Variants in RDX observed in about 807,000 individuals in gnomAD.
RDX encodes the protein deafness, autosomal recessive 24.
A neutral mutation model predicts 83.7 loss-of-function variants in RDX; 32 were observed. The ratio of observed to expected loss-of-function variants is 0.38; its 90% CI spans 0.29 to 0.51. The LOEUF is 0.51. Ranked by LOEUF, RDX falls within the 20% of genes least tolerant of loss-of-function variation. RDX has a pLI of 0.87. For missense variants in RDX, 600 were observed against 689.9 expected (o/e 0.87, Z 1.46); for synonymous variants, 229 against 222.7 (o/e 1.03, Z -0.25).
chr11:110,236,446 A>T, intron 11 of RDX: 1 of 384,438 alleles, frequency 2.6e-6, no homozygotes, highest in South Asian at 3.9e-5. Context: ...CAGGAACTTA[A>T]AATGTGTAAC....
At chr11:110,237,717 C>T in intron 10 of RDX, 65 bp from the exon 11 acceptor site, 1 of 1,540,366 alleles carries the variant, frequency 6.5e-7, no homozygotes, top group East Asian at 2.2e-5. Flanking sequence ...TCAAAAGAAG[C>T]TAAAATAGTA....
rs142504999 is a variant in RDX, at chr11:110,237,519, G to C, written c.1224C>G (p.Ala408=). Residue 408 remains alanine (A), a synonymous_variant, in exon 11 of 14, where the codon GCC becomes GCG. Transcript: ENST00000645495. Reference sequence around the variant, plus strand: ...GCTGCTCCTGATTCTTCATCTGGTCGGCAGCTTGTTTTGCTATGGCAGACT... The same window carrying C: ...GCTGCTCCTGATTCTTCATCTGGTCCGCAGCTTGTTTTGCTATGGCAGACT... The part of the protein sequence containing the change: ...EAKSAIAKQA[A]DQMKNQEQLA... 3 of 1,612,468 alleles carry C rather than the reference G, an allele frequency of 1.9e-6. No individual in the cohort carries two copies. Among genetic ancestry groups the C allele is most frequent in the Non-Finnish European group, 2.5e-6 (3 of 1,179,974 alleles).
At chr11:110,268,312 GA>G (rs201275055) in intron 3 of RDX, among the ~76,000 whole-genome samples, 176 of 136,584 alleles carry the variant, frequency 1.3e-3, no homozygotes, top group Non-Finnish European at 1.7e-3. Context: ...CTGTTTCGGG[GA>G]AAAAAAAAAA....
intron 15 of RDX, among the ~76,000 whole-genome samples, chr11:110,194,395 T>C (rs181443712): frequency 1.3e-5 from 2 of 152,178 alleles, no homozygotes; most frequent in Admixed American, 6.5e-5. Context: ...AATTTATGTA[T>C]TTTTAGTAGA....
At chr11:110,228,840 T>C (rs1357542788), downstream of RDX, among the ~76,000 whole-genome samples, 3 of 151,864 alleles carry the variant, frequency 2.0e-5, no homozygotes, top group Non-Finnish European at 2.9e-5. Context: ...TATTTAAAAT[T>C]CCATTTTCTG....
At chr11:110,232,918 A>T (rs550314171) in intron 13 of RDX, among the ~76,000 whole-genome samples, 106 of 152,184 alleles carry the variant, frequency 7.0e-4, no homozygotes, top group Non-Finnish European at 1.4e-3. Context: ...CCTGGCCCTC[A>T]ATGTACATAT....
chr11:110,283,176 T>TG (rs1460422823), intron 1 of RDX, among the ~76,000 whole-genome samples: 9 of 152,146 alleles, frequency 5.9e-5, no homozygotes, highest in Non-Finnish European at 1.3e-4. Context: ...TTTTTGGAGA[T>TG]GGAGTCTCGC....
chr11:110,215,307 G>A (rs1864001326), intron 14 of RDX, among the ~76,000 whole-genome samples: 1 of 150,282 alleles, frequency 6.7e-6, no homozygotes, highest in South Asian at 2.1e-4. Context: ...AGGTTGCAGT[G>A]AGCTGAGATC....
chr11:110,251,766 A>C (rs1366472190), intron 9 of RDX, among the ~76,000 whole-genome samples: 1 of 152,202 alleles, frequency 6.6e-6, no homozygotes, highest in Non-Finnish European at 1.5e-5. Context: ...AGCTTCAAAA[A>C]CTACATGGAA....
chr11:110,275,782 C>CTTTT (rs36018441), intron 2 of RDX, among the ~76,000 whole-genome samples: 23 of 117,286 alleles, frequency 2.0e-4, no homozygotes, highest in African/African-American at 4.8e-4. Context: ...TTTTACCATC[C>CTTTT]TTTTTTTTTT....
intron 10 of RDX, among the ~76,000 whole-genome samples, chr11:110,239,277 T>C (rs998621589): frequency 1.1e-4 from 16 of 149,822 alleles, no homozygotes; most frequent in Non-Finnish European, 1.5e-4. Context: ...AGAAGGACAT[T>C]GGTCTAGGCA....
intron 10 of RDX, among the ~76,000 whole-genome samples, chr11:110,240,244 G>C (rs1865029195): frequency 6.6e-6 from 1 of 152,152 alleles, no homozygotes; most frequent in African/African-American, 2.4e-5. Context: ...CAGCAATATG[G>C]ATGGAACTGG....
At chr11:110,261,760 T>A (rs1460797697) in intron 5 of RDX, among the ~76,000 whole-genome samples, 1 of 152,228 alleles carries the variant, frequency 6.6e-6, no homozygotes, top group Non-Finnish European at 1.5e-5. Context: ...AAATAGGCAT[T>A]TGCACTAGCA....
intron 10 of RDX, among the ~76,000 whole-genome samples, chr11:110,246,978 G>A (rs1859134869): frequency 6.6e-6 from 1 of 152,118 alleles, no homozygotes; most frequent in African/African-American, 2.4e-5. Flanking sequence ...TGTTACCCCT[G>A]AGAGCCTGCT....
intron 7 of RDX, among the ~76,000 whole-genome samples, chr11:110,255,894 A>G (rs1340878874): frequency 6.6e-6 from 1 of 152,206 alleles, no homozygotes; most frequent in Non-Finnish European, 1.5e-5. Flanking sequence ...CTTAATTTTC[A>G]GTATATTTTG....
chr11:110,295,654 A>AAAAAC (rs1861422467), intron 1 of RDX, among the ~76,000 whole-genome samples: 1 of 139,770 alleles, frequency 7.2e-6, no homozygotes, highest in African/African-American at 3.0e-5. Flanking sequence ...AAAAAAAAAA[A>AAAAAC]AAACAAAAAT....
intron 5 of RDX, among the ~76,000 whole-genome samples, chr11:110,259,089 T>C (rs1301796455): frequency 6.6e-6 from 1 of 152,010 alleles, no homozygotes; most frequent in African/African-American, 2.4e-5. Flanking sequence ...GGCTAATTTT[T>C]CTTTTTTGTG....
chr11:110,183,873 C>G (rs977126493), intron 15 of RDX, among the ~76,000 whole-genome samples: 1 of 152,188 alleles, frequency 6.6e-6, no homozygotes, highest in African/African-American at 2.4e-5. Context: ...GAAATGGCAC[C>G]CTGGACTACA....
intron 7 of RDX, 44 bp from the exon 8 acceptor site, chr11:110,255,429 T>A: frequency 9.7e-7 from 1 of 1,032,054 alleles, no homozygotes; most frequent in Non-Finnish European, 1.5e-6. Flanking sequence ...CAGGAAACAA[T>A]GAATAAAATT....
Sources: allele counts gnomAD v4.1 joint callset (sites outside exome capture counted in the v4.1 genomes callset), GRCh38; gene constraint gnomAD v4.1.1; transcripts MANE v1.5; gene names NCBI Gene and HGNC (gene_info 2026-07-23, HGNC 2026-07-21).